Variants in LRRC37A2 observed in about 807,000 individuals in gnomAD.
LRRC37A2 encodes leucine-rich repeat-containing protein 37A2.
LRRC37A2 carries 9 observed loss-of-function variants against 68.8 expected under a neutral mutation model. The ratio of observed to expected loss-of-function variants is 0.13; its 90% CI spans 0.08 to 0.23. The LOEUF (loss-of-function observed/expected upper bound fraction) is 0.23. LRRC37A2 is among the 10% of genes least tolerant of loss of function. The pLI, the probability that LRRC37A2 is intolerant of heterozygous loss-of-function variation, is 1.00. For synonymous variants in LRRC37A2, 63 were observed against 367.6 expected (o/e 0.17, Z 9.48); for missense variants, 168 against 950.4 (o/e 0.18, Z 10.82).
chr17:46,876,188 G>A, the LRRC37A2 span: 1 of 1,496,796 alleles, frequency 6.7e-7, no homozygotes, highest in South Asian at 1.3e-5. Flanking sequence ...TCTGGGGGCA[G>A]GCTCTGGCTG....
the LRRC37A2 span, among the ~76,000 whole-genome samples, chr17:46,722,757 A>G: frequency 3.3e-5 from 5 of 152,170 alleles, no homozygotes; most frequent in Admixed American, 1.3e-4. Context: ...TGAGAAGAAA[A>G]AGGGATGTGT....
the LRRC37A2 span, among the ~76,000 whole-genome samples, chr17:46,666,007 C>G: frequency 2.1e-5 from 3 of 143,502 alleles, no homozygotes; most frequent in Non-Finnish European, 3.2e-5. Flanking sequence ...GTTCCTTTCA[C>G]TAGAATCAGC....
the LRRC37A2 span, among the ~76,000 whole-genome samples, chr17:46,984,282 A>G: frequency 6.6e-6 from 1 of 150,518 alleles, no homozygotes; most frequent in East Asian, 2.0e-4. Flanking sequence ...ACTAAGCTCA[A>G]AGTCTTTCCA....
chr17:46,883,281 C>CT, the LRRC37A2 span, among the ~76,000 whole-genome samples: 185 of 142,566 alleles, frequency 1.3e-3, 1 homozygote, highest in East Asian at 2.4e-3. Flanking sequence ...TGCGCCCGGC[C>CT]TTTTTTTTTT....
chr17:46,883,409 A>T, the LRRC37A2 span, among the ~76,000 whole-genome samples: 6 of 150,614 alleles, frequency 4.0e-5, no homozygotes, highest in Non-Finnish European at 7.4e-5. Flanking sequence ...CTCAGCCTAT[A>T]GAGTAGCTGG....
the LRRC37A2 span, among the ~76,000 whole-genome samples, chr17:46,868,334 G>A: frequency 2.0e-5 from 3 of 152,020 alleles, no homozygotes; most frequent in Admixed American, 6.6e-5. Flanking sequence ...GCTCATGCCT[G>A]TAATCCCAGC....
At chr17:46,910,904 G>A in the LRRC37A2 span, among the ~76,000 whole-genome samples, 2,500 of 152,318 alleles carry the variant, frequency 0.016, 72 homozygotes, top group African/African-American at 0.055. Context: ...AGGTGGGTTG[G>A]TCTGGGGAAG....
chr17:46,519,709 A>AAAATT (rs1177102639), intron 3 of LRRC37A2, among the ~76,000 whole-genome samples: 4 of 145,634 alleles, frequency 2.7e-5, no homozygotes, highest in South Asian at 2.2e-4. Flanking sequence ...CCCTGTCTCA[A>AAAATT]AAATTAAATT....
chr17:46,985,364 A>C, the LRRC37A2 span, among the ~76,000 whole-genome samples: 1 of 151,982 alleles, frequency 6.6e-6, no homozygotes, highest in Non-Finnish European at 1.5e-5. Context: ...ACTAAAATAT[A>C]CAAAAATTAG....
the LRRC37A2 span, among the ~76,000 whole-genome samples, chr17:46,796,663 G>C: frequency 8.5e-5 from 13 of 152,194 alleles, no homozygotes; most frequent in South Asian, 1.0e-3. Flanking sequence ...AACTACAGGG[G>C]ACCTAAGACG....
the LRRC37A2 span, among the ~76,000 whole-genome samples, chr17:46,993,260 T>C: frequency 6.6e-6 from 1 of 152,248 alleles, no homozygotes; most frequent in Non-Finnish European, 1.5e-5. Context: ...GTGTGCAGCA[T>C]GCCTTCAGGC....
At chr17:46,894,338 C>T in the LRRC37A2 span, among the ~76,000 whole-genome samples, 3 of 152,336 alleles carry the variant, frequency 2.0e-5, no homozygotes, top group African/African-American at 7.2e-5. Flanking sequence ...TGGGCTCTTG[C>T]TCTGTAATAA....
chr17:46,863,837 G>T, the LRRC37A2 span, among the ~76,000 whole-genome samples: 3 of 152,144 alleles, frequency 2.0e-5, no homozygotes, highest in African/African-American at 7.2e-5. Context: ...CTATTCCCAA[G>T]GGAGCCGCTC....
the LRRC37A2 span, among the ~76,000 whole-genome samples, chr17:46,408,533 T>A: frequency 1.5e-5 from 1 of 67,844 alleles, no homozygotes; most frequent in African/African-American, 3.7e-5. Flanking sequence ...TTTTAAATCT[T>A]TTTTTTTTTT....
At chr17:46,929,787 C>A in the LRRC37A2 span, 1 of 560,694 alleles carries the variant, frequency 1.8e-6, no homozygotes, top group Non-Finnish European at 3.2e-6. Context: ...TCTTATCCCC[C>A]ATTACCCCTC....
the LRRC37A2 span, among the ~76,000 whole-genome samples, chr17:46,496,607 G>GGAAAAA: frequency 6.8e-5 from 3 of 44,300 alleles, no homozygotes. Context: ...CATCTCAAAA[G>GGAAAAA]AAAAAAAAAA....
chr17:47,002,818 T>A, the LRRC37A2 span, among the ~76,000 whole-genome samples: 5 of 152,152 alleles, frequency 3.3e-5, no homozygotes, highest in Admixed American at 3.3e-4. Context: ...CCCACATTAC[T>A]TTTTATTGCT....
the LRRC37A2 span, chr17:46,936,965 T>TAA: frequency 4.2e-4 from 83 of 196,274 alleles, no homozygotes; most frequent in Non-Finnish European, 5.0e-4. Flanking sequence ...GTGTATTTAT[T>TAA]AAAAAAAAAA....
chr17:46,612,435 CAT>C, the LRRC37A2 span, among the ~76,000 whole-genome samples: 1 of 7,170 alleles, frequency 1.4e-4, no homozygotes. Context: ...CATACATTAA[CAT>C]GTGGCATTAT....
Sources: allele counts gnomAD v4.1 joint callset (sites outside exome capture counted in the v4.1 genomes callset), GRCh38; gene constraint gnomAD v4.1.1; transcripts MANE v1.5; gene names NCBI Gene and HGNC (gene_info 2026-07-23, HGNC 2026-07-21).